Variants in PVR observed in about 807,000 individuals in gnomAD.
PVR encodes the protein PVR cell adhesion molecule.
In PVR, 39 loss-of-function variants were observed where a neutral mutation model predicts 43.3. That is an observed-to-expected ratio of 0.90 (90% CI 0.70 to 1.18). PVR has a LOEUF of 1.18. Ranked by LOEUF, PVR falls within the 50% of genes most tolerant of loss-of-function variation. The pLI is 0.00. For synonymous variants in PVR, 224 were observed against 233.2 expected, an observed-to-expected ratio of 0.96 and a Z score of 0.36; for missense variants, 480 against 549.7, an observed-to-expected ratio of 0.87 and a Z score of 1.27.
chr19:44,652,020 G>C (rs937491598), intron 3 of PVR, among the ~76,000 whole-genome samples: 1 of 152,082 alleles, frequency 6.6e-6, no homozygotes, highest in African/African-American at 2.4e-5. Context: ...AGCCAGGCAC[G>C]GTGGCGGGTG....
Position 44,659,483 on chromosome 19 carries a change from G to A in PVR, c.1150+583G>A, listed in dbSNP as rs1468930338. Reference sequence around the variant, plus strand: ...ATTTTTAATTTTTTTTATTATTTATGTATTTATTTATTTATTTTTGAGACA... The same window carrying A: ...ATTTTTAATTTTTTTTATTATTTATATATTTATTTATTTATTTTTGAGACA... On this transcript the variant is annotated intron_variant, in intron 6 of 7. Coordinates refer to ENST00000425690, the MANE Select transcript of PVR (RefSeq NM_006505.5). Among the ~76,000 whole-genome samples, 7 of 152,072 alleles carry A rather than the reference G, an allele frequency of 4.6e-5. No individual in the cohort carries two copies. In the East Asian group the frequency reaches 1.2e-3, roughly 25 times the overall value.
chr19:44,658,194 G>A (rs2123767927), intron 5 of PVR, among the ~76,000 whole-genome samples: 1 of 152,202 alleles, frequency 6.6e-6, no homozygotes, highest in South Asian at 2.1e-4. Context: ...TCTATCAATT[G>A]CAATTGACAG....
rs544887698 is a variant in PVR, at chr19:44,645,458, G to A, written c.79+1283G>A. The stretch of plus-strand genomic sequence containing the variant: ...ATATATATATATAGTGCGTGTGTGC[G>A]TGTATGTGTGTGTGTGTATGAGAGA... On this transcript the variant is annotated intron_variant, in intron 1 of 7. Transcript: ENST00000425690. 3.7e-3 allele frequency among the ~76,000 whole-genome samples: 404 copies of A among 108,840 alleles called. 3 individuals are homozygous for A. Among genetic ancestry groups the A allele is most frequent in the Admixed American group, 6.0e-3 (61 of 10,206 alleles). 71.4% of individuals were successfully genotyped at this position (108,840 alleles called of 152,430 possible). A position where few individuals can be genotyped will look rare whatever the true frequency, so the allele number is the denominator to read the frequency against.
chr19:44,661,266 G>A (rs1568507235), intron 6 of PVR, 26 bp from the exon 7 acceptor site: 1 of 1,609,068 alleles, frequency 6.2e-7, no homozygotes, highest in South Asian at 1.1e-5. Context: ...ATTCCTTCCT[G>A]ACGACTTCCC....
chr19:44,647,756 G>C (rs1488121237), intron 2 of PVR, among the ~76,000 whole-genome samples, 186 bp downstream of exon 2: 2 of 150,646 alleles, frequency 1.3e-5, no homozygotes, highest in Non-Finnish European at 3.0e-5. Context: ...GTGGGGGGAG[G>C]GGCTGCAGGG....
Position 44,664,338 on chromosome 19 carries a change from A to T in PVR, c.*2527A>T, listed in dbSNP as rs990511741. The T allele has an allele frequency of 1.3e-5, 2 of 151,974 alleles. No individual in the cohort carries two copies. Among genetic ancestry groups the T allele is most frequent in the African/African-American group, 4.8e-5 (2 of 41,360 alleles). The allele number at this position is 151,974 out of a possible 1,614,324, so 9.4% of individuals were successfully genotyped here. On this transcript the variant is annotated 3_prime_UTR_variant, in exon 8 of 8. Transcript: ENST00000425690. ...ATCCTTCCATCTCAGCCTCCCGAGT[A>T]GCTGGGACTATAGGTGGGCGCCACC...
At chr19:44,644,248 C>T (rs1462906529) in intron 1 of PVR, 73 bp downstream of exon 1, 2 of 1,222,170 alleles carry the variant, frequency 1.6e-6, no homozygotes, top group African/African-American at 1.6e-5. Flanking sequence ...GTACTCGCCC[C>T]CTTGGGTTCC....
Position 44,647,579 on chromosome 19 carries a change from G to A in PVR, c.427+9G>A, listed in dbSNP as rs1298873191. 1 of 1,596,534 alleles carries A rather than the reference G, an allele frequency of 6.3e-7. No individual in the cohort carries two copies. The highest frequency in any genetic ancestry group is 1.3e-5 in the African/African-American group (1 of 74,612). The stretch of plus-strand genomic sequence containing the variant: ...CTGGCTCCGAGTGCTTGGTGAGCAG[G>A]GGGTTTTGGGGAGGCTGAATGAAAG... On this transcript the variant is annotated intron_variant, in intron 2 of 7. Coordinates refer to ENST00000425690, the MANE Select transcript of PVR (RefSeq NM_006505.5).
chr19:44,647,459 G>T lies in PVR; in HGVS notation c.316G>T (p.Ala106Ser). The change falls in exon 2 of 8, where the codon GCC (alanine) becomes TCC (serine). Residue 106 changes from alanine (A) to serine (S), a missense_variant. Physicochemically the swap from Ala to Ser is moderately conservative, Grantham distance 99 (BLOSUM62 1). Coordinates refer to ENST00000425690, the MANE Select transcript of PVR (RefSeq NM_006505.5). ...AARLGAELRN[A>S]SLRMFGLRVE... ...CAGACTGGGCGCGGAGCTGCGGAAT[G>T]CCTCGCTGAGGATGTTCGGGTTGCG... The T allele has an allele frequency of 6.2e-7, 1 of 1,614,162 alleles. No individual in the cohort carries two copies. The highest frequency in any genetic ancestry group is 8.5e-7 in the Non-Finnish European group (1 of 1,180,022).
In PVR at chr19:44,664,510, C is replaced by T. The variant is rs920663547; in HGVS notation, c.*2699C>T. ...TTACAGATGTGAGCCACCGCGCCCA[C>T]CCTGAACCTTACTTTTTTTGCTCAG... On this transcript the variant is annotated 3_prime_UTR_variant, in exon 8 of 8. Coordinates refer to ENST00000425690, the MANE Select transcript of PVR (RefSeq NM_006505.5). 4 of 151,738 alleles carry T rather than the reference C, an allele frequency of 2.6e-5. No individual in the cohort carries two copies. Among genetic ancestry groups the T allele is most frequent in the African/African-American group, 9.7e-5 (4 of 41,264 alleles). The allele number at this position is 151,738 out of a possible 1,614,324, so 9.4% of individuals were successfully genotyped here.
At chr19:44,653,368 T>A (rs1199609948) in intron 3 of PVR, among the ~76,000 whole-genome samples, 1 of 151,938 alleles carries the variant, frequency 6.6e-6, no homozygotes, top group African/African-American at 2.4e-5. Context: ...CCCTCAACAC[T>A]GTCACTGGGT....
At chr19:44,654,337 C>T (rs914337255) in intron 4 of PVR, among the ~76,000 whole-genome samples, 18 of 152,024 alleles carry the variant, frequency 1.2e-4, no homozygotes, top group African/African-American at 4.1e-4. Context: ...TGAGGCAGGA[C>T]AGACTGGGGC....
intron 3 of PVR, among the ~76,000 whole-genome samples, chr19:44,653,003 T>C (rs1395739111): frequency 6.6e-6 from 1 of 152,152 alleles, no homozygotes; most frequent in Non-Finnish European, 1.5e-5. Flanking sequence ...ATGTGGCCAG[T>C]AGGTGCCATA....
rs144343306 is a variant in PVR, at chr19:44,656,463, C to A, written c.843-1299C>A. 3.2e-3 allele frequency among the ~76,000 whole-genome samples: 487 copies of A among 152,324 alleles called. 9 individuals are homozygous for A. Among genetic ancestry groups the A allele is most frequent in the Non-Finnish European group, 4.1e-4 (28 of 68,024 alleles). On this transcript the variant is annotated intron_variant, in intron 4 of 7. Coordinates refer to ENST00000425690, the MANE Select transcript of PVR (RefSeq NM_006505.5). ...TCTGCGGAGCACCCAAAGCCTGATG[C>A]TTCCATCTCCTCCACCTCTGTTCAT...
In PVR at chr19:44,665,717, CTGTT is replaced by C. The variant is rs1024946019; in HGVS notation, c.*3911_*3914del. ...ATGCAGGCCCAGTTCTGCTGCTCTG[CTGTT>C]TGTTCTGCTTTCCTCCACATATTGG... On this transcript the variant is annotated 3_prime_UTR_variant, in exon 8 of 8. Coordinates refer to ENST00000425690, the MANE Select transcript of PVR (RefSeq NM_006505.5). 4 of 151,812 alleles carry C rather than the reference CTGTT, an allele frequency of 2.6e-5. No homozygotes were observed. Among genetic ancestry groups the C allele is most frequent in the Non-Finnish European group, 4.4e-5 (3 of 68,132 alleles). 9.4% of individuals were successfully genotyped at this position (151,812 alleles called of 1,614,324 possible). A position where few individuals can be genotyped will look rare whatever the true frequency, so the allele number is the denominator to read the frequency against.
chr19:44,647,675 T>G, intron 2 of PVR, 105 bp downstream of exon 2: 1 of 545,998 alleles, frequency 1.8e-6, no homozygotes, highest in Non-Finnish European at 2.8e-6. Flanking sequence ...GGAGATTCCC[T>G]CCACAGCAGA....
chr19:44,649,258 A>G (rs992971949), intron 2 of PVR, among the ~76,000 whole-genome samples: 3 of 152,056 alleles, frequency 2.0e-5, no homozygotes, highest in Non-Finnish European at 2.9e-5. Flanking sequence ...AACAATATTT[A>G]TTGAGCGCTT....
At chr19:44,645,423 A>G (rs964039243) in intron 1 of PVR, among the ~76,000 whole-genome samples, 2 of 100,732 alleles carry the variant, frequency 2.0e-5, no homozygotes, top group Non-Finnish European at 3.7e-5. Flanking sequence ...GTGTATATAT[A>G]TATATATATA....
chr19:44,652,812 G>C (rs1310015036), intron 3 of PVR, among the ~76,000 whole-genome samples: 1 of 152,130 alleles, frequency 6.6e-6, no homozygotes, highest in East Asian at 1.9e-4. Context: ...ACTGTGCCTG[G>C]CCAAAATTAA....
Sources: gnomAD v4.1 joint callset for allele counts (sites outside exome capture counted in the v4.1 genomes callset) on GRCh38, gnomAD v4.1.1 for gene constraint, MANE v1.5 for transcripts, NCBI Gene and HGNC (gene_info 2026-07-23, HGNC 2026-07-21) for gene names.